The following STAG1 variants were observed in gnomAD, a reference collection of about 807,000 sequenced individuals.
STAG1 encodes the protein cohesin subunit SA-1.
In STAG1, 26 loss-of-function variants were observed where a neutral mutation model predicts 170.9. The ratio of observed to expected loss-of-function variants is 0.15; its 90% CI spans 0.11 to 0.21. STAG1 has a LOEUF of 0.21. Ranked by LOEUF, STAG1 falls within the 10% of genes least tolerant of loss-of-function variation. The pLI, the probability that STAG1 is intolerant of heterozygous loss-of-function variation, is 1.00. For missense variants in STAG1, 964 were observed against 1,509.5 expected (o/e 0.64, Z 5.99); for synonymous variants, 514 against 497.7 (o/e 1.03, Z -0.44).
At position 136,387,875 on chromosome 3, in the gene STAG1, AAAG is replaced by A. The variant is rs562406907; in HGVS notation, c.2278-10126_2278-10124del. Among the ~76,000 whole-genome samples the A allele has an allele frequency of 1.7e-3, 255 of 152,296 alleles. 1 individual carries two copies. The Middle Eastern group carries it at 0.024, about 14-fold the overall frequency. ...GTAGTATACAAAGATGAAGGAAGCT[AAAG>A]AAGGAGTCAGAGGAACAGGGGAAAA... On this transcript the variant is annotated intron_variant, in intron 22 of 33. Transcript: ENST00000383202.
At chr3:136,415,530 C>A (rs900815643) in intron 21 of STAG1, among the ~76,000 whole-genome samples, 2 of 152,152 alleles carry the variant, frequency 1.3e-5, no homozygotes, top group Admixed American at 6.5e-5. Flanking sequence ...AGTGAGCTTG[C>A]ATGGTTGTAT....
intron 1 of STAG1, among the ~76,000 whole-genome samples, chr3:136,714,357 T>G (rs1943464513): frequency 6.6e-6 from 1 of 152,054 alleles, no homozygotes; most frequent in Admixed American, 6.5e-5. Context: ...GCACTTTGGG[T>G]CACCAAGGCA....
intron 23 of STAG1, among the ~76,000 whole-genome samples, chr3:136,374,268 A>G (rs1937498856): frequency 6.6e-6 from 1 of 152,086 alleles, no homozygotes; most frequent in African/African-American, 2.4e-5. Flanking sequence ...TGGATACAGC[A>G]CACTGTATTT....
intron 1 of STAG1, among the ~76,000 whole-genome samples, chr3:136,672,573 C>T (rs1403029247): frequency 6.6e-6 from 1 of 151,872 alleles, no homozygotes; most frequent in Admixed American, 6.6e-5. Context: ...AAAAGTTTAC[C>T]ACAATAAAAA....
At position 136,343,872 on chromosome 3, in the gene STAG1, G is replaced by C. The variant is rs749019866; in HGVS notation, c.3406C>G (p.Pro1136Ala). The change falls in exon 30 of 34, where the codon CCT (proline) becomes GCT (alanine). Residue 1136 changes from proline to alanine, a missense_variant. By Grantham distance (27) the Pro-to-Ala change is conservative. This residue lies in a region of STAG1 where 122 missense variants were observed against 129.0 expected (regional missense o/e 0.95). Transcript: ENST00000383202. Reference protein sequence around the residue: ...SRPMGDQIQEPESEHGSEPDF... With the variant: ...SRPMGDQIQEAESEHGSEPDF... The stretch of plus-strand genomic sequence containing the variant: ...GGTTCAGAACCATGTTCAGACTCAG[G>C]TTCTTGAATCTGGTCTCCCATGGGC... 1.1e-5 allele frequency: 18 copies of C among 1,598,466 alleles called. No individual in the cohort carries two copies. In the Admixed American group the frequency reaches 2.3e-4, roughly 20 times the overall value.
chr3:136,477,600 G>GA (rs924574990), intron 9 of STAG1, among the ~76,000 whole-genome samples, 188 bp from the exon 10 acceptor site: 97 of 149,496 alleles, frequency 6.5e-4, no homozygotes, highest in African/African-American at 2.1e-3. Context: ...TACCAAACTG[G>GA]AAAAAAAAAG....
intron 5 of STAG1, among the ~76,000 whole-genome samples, chr3:136,551,210 A>AGAGG (rs58810636): frequency 1.2e-4 from 3 of 24,132 alleles, no homozygotes; most frequent in African/African-American, 1.5e-4. Flanking sequence ...AGAGAGAGTG[A>AGAGG]GAGAGAGAGA....
chr3:136,581,670 G>A (rs868632408), intron 4 of STAG1, among the ~76,000 whole-genome samples: 2 of 151,954 alleles, frequency 1.3e-5, no homozygotes, highest in Non-Finnish European at 2.9e-5. Flanking sequence ...CTAGTTAAAC[G>A]AATCACATGA....
chr3:136,367,172 A>C, intron 24 of STAG1, 90 bp from the exon 25 acceptor site: 1 of 1,054,356 alleles, frequency 9.5e-7, no homozygotes, highest in Non-Finnish European at 1.4e-6. Context: ...AATTAGCTTA[A>C]TATTATAACT....
intron 10 of STAG1, among the ~76,000 whole-genome samples, chr3:136,476,620 T>A (rs1290771940): frequency 2.0e-5 from 3 of 152,162 alleles, no homozygotes; most frequent in Admixed American, 2.0e-4. Context: ...TCATGAAAAA[T>A]ACTTCAGAAA....
chr3:136,340,366 C>T (rs1347488137), intron 32 of STAG1, 125 bp downstream of exon 32: 1 of 612,054 alleles, frequency 1.6e-6, no homozygotes, highest in Admixed American at 2.6e-5. Context: ...AGGTGATCCA[C>T]CCACCTCAGC....
At chr3:136,571,948 C>T (rs1937278581) in intron 4 of STAG1, among the ~76,000 whole-genome samples, 1 of 151,994 alleles carries the variant, frequency 6.6e-6, no homozygotes, top group Admixed American at 6.6e-5. Context: ...TTTGGGAGGC[C>T]GAGATGGGTG....
chr3:136,338,342 T>TAAAA, intron 33 of STAG1, 28 bp downstream of exon 33: 1 of 1,594,146 alleles, frequency 6.3e-7, no homozygotes, highest in Non-Finnish European at 8.6e-7. Flanking sequence ...GAACCATAAA[T>TAAAA]AAAAAGCAGT....
chr3:136,484,734 C>T (rs1443759312), intron 9 of STAG1, among the ~76,000 whole-genome samples: 1 of 151,190 alleles, frequency 6.6e-6, no homozygotes, highest in Non-Finnish European at 1.5e-5. Context: ...AGCGAGATTC[C>T]GTGGGCGTAG....
At chr3:136,746,299 A>G (rs900254911) in intron 1 of STAG1, among the ~76,000 whole-genome samples, 3 of 152,164 alleles carry the variant, frequency 2.0e-5, no homozygotes, top group African/African-American at 4.8e-5. Flanking sequence ...GTGTTAAAAT[A>G]TATCTCCCTA....
chr3:136,649,503 C>CAAAA (rs761067087), intron 1 of STAG1, among the ~76,000 whole-genome samples: 2 of 70,854 alleles, frequency 2.8e-5, no homozygotes, highest in Non-Finnish European at 3.0e-5. Context: ...AAAACAGAAA[C>CAAAA]AAAAAAAAAA....
Position 136,366,982 on chromosome 3 carries a change from G to A in STAG1, c.2646C>T (p.Asp882=), listed in dbSNP as rs1170673168. 3.1e-6 allele frequency: 5 copies of A among 1,609,898 alleles called. No individual in the cohort carries two copies. Among genetic ancestry groups the A allele is most frequent in the Middle Eastern group, 1.7e-4 (1 of 6,044 alleles). The change falls in exon 25 of 34, where the codon GAC becomes GAT. Residue 882 remains aspartate (D), a synonymous_variant. Coordinates refer to ENST00000383202, the MANE Select transcript of STAG1 (RefSeq NM_005862.3). ...FSKLIIYDIV[D]MHAAADIFKH... Reference sequence around the variant, plus strand: ...TGAAGATGTCTGCAGCTGCATGCATGTCAACAATGTCATAAATGATAAGTT... The same window carrying A: ...TGAAGATGTCTGCAGCTGCATGCATATCAACAATGTCATAAATGATAAGTT...
In STAG1 at chr3:136,479,056, C is replaced by CT. The variant is rs375146567; in HGVS notation, c.903-1645dup. On this transcript the variant is annotated intron_variant, in intron 9 of 33. Transcript: ENST00000383202. ...TCCATTAAATGTTGGCTATTATAAT[C>CT]TTTCTTTTTTTTTTTTTTTTAATTT... Among the ~76,000 whole-genome samples the CT allele has an allele frequency of 1.0e-4, 12 of 117,054 alleles. No individual in the cohort carries two copies. The South Asian group carries it at 4.1e-3, about 40-fold the overall frequency. The allele number at this position is 117,054 out of a possible 152,430, so 76.8% of individuals were successfully genotyped here.
At chr3:136,631,026 G>A in intron 1 of STAG1, 45 bp from the exon 2 acceptor site, 1 of 927,654 alleles carries the variant, frequency 1.1e-6, no homozygotes, top group Non-Finnish European at 1.6e-6. Flanking sequence ...AAATGAGGAT[G>A]ACAAAATTCA....
Sources: allele counts gnomAD v4.1 joint callset (sites outside exome capture counted in the v4.1 genomes callset), GRCh38; gene constraint gnomAD v4.1.1; regional missense constraint gnomAD v4.1.1; transcripts MANE v1.5; gene names NCBI Gene and HGNC (gene_info 2026-07-23, HGNC 2026-07-21).